PRRX2: variants seen among roughly 807,000 people sequenced by gnomAD.
The protein encoded by PRRX2 is paired related homeobox 2, also known as paired mesoderm homeobox protein 2.
Under a neutral mutation model 18.0 loss-of-function variants are expected in PRRX2, and 11 were observed. That is an observed-to-expected ratio of 0.61 (90% confidence interval 0.39 to 1.01). The LOEUF is 1.01. Among genes scored for constraint, PRRX2 ranks in the 50% least tolerant of loss-of-function variants. The pLI, the probability that PRRX2 is intolerant of heterozygous loss-of-function variation, is 0.01. For synonymous variants in PRRX2, 177 were observed against 154.8 expected (o/e 1.14, Z -1.06); for missense variants, 387 against 351.0 (o/e 1.10, Z -0.82).
At chr9:129,704,543 C>T (rs934197102) in intron 1 of PRRX2, among the ~76,000 whole-genome samples, 3 of 152,136 alleles carry the variant, frequency 2.0e-5, no homozygotes, top group African/African-American at 4.8e-5. Context: ...CCAGGAAACC[C>T]GGGAACAGAG....
chr9:129,719,391 C>T lies in PRRX2; in HGVS notation c.420C>T (p.Arg140=), dbSNP rs537836904. Reference sequence around the variant, plus strand: ...TTGTGCGCGAGGAGCTTGCCCGGCGCGTCAACCTCAGCGAGGCGCGCGTTC... The same window carrying T: ...TTGTGCGCGAGGAGCTTGCCCGGCGTGTCAACCTCAGCGAGGCGCGCGTTC... ...DAFVREELAR[R]VNLSEARVQV... Residue 140 remains arginine (R), a synonymous_variant, in exon 2 of 4, where the codon CGC becomes CGT. Coordinates refer to ENST00000372469, the MANE Select transcript of PRRX2 (RefSeq NM_016307.4). 1.9e-6 allele frequency: 3 copies of T among 1,549,238 alleles called. No homozygotes were observed. The highest frequency in any genetic ancestry group is 2.6e-6 in the Non-Finnish European group (3 of 1,147,742).
intron 1 of PRRX2, among the ~76,000 whole-genome samples, chr9:129,666,612 C>T (rs887438760): frequency 2.1e-4 from 30 of 145,526 alleles, no homozygotes; most frequent in African/African-American, 7.4e-4. Context: ...GCAGCTGCCT[C>T]GGTGGAACGG....
chr9:129,714,781 T>C (rs1832681376), intron 1 of PRRX2, among the ~76,000 whole-genome samples: 1 of 152,192 alleles, frequency 6.6e-6, no homozygotes, highest in Non-Finnish European at 1.5e-5. Context: ...CAGGTTTGAA[T>C]TGCTCAGAAA....
Position 129,719,335 on chromosome 9 carries a change from G to T in PRRX2, c.364G>T (p.Val122Leu), listed in dbSNP as rs1275390543. 1.2e-6 allele frequency: 2 copies of T among 1,600,290 alleles called. No homozygotes were observed. The highest frequency in any genetic ancestry group is 3.4e-5 in the Admixed American group (2 of 58,076). ...NSSQLQALERVFERTHYPDAF... is the reference protein window; with the variant it reads ...NSSQLQALERLFERTHYPDAF... Reference sequence around the variant, plus strand: ...CAGCCAACTGCAGGCGCTGGAGCGCGTGTTCGAGCGCACGCACTACCCCGA... The same window carrying T: ...CAGCCAACTGCAGGCGCTGGAGCGCTTGTTCGAGCGCACGCACTACCCCGA... Residue 122 changes from valine to leucine, a missense_variant, in exon 2 of 4, where the codon GTG becomes TTG. Coordinates refer to ENST00000372469, the MANE Select transcript of PRRX2 (RefSeq NM_016307.4).
chr9:129,691,097 G>A (rs1454117241), intron 1 of PRRX2, among the ~76,000 whole-genome samples: 2 of 151,548 alleles, frequency 1.3e-5, no homozygotes, highest in African/African-American at 2.4e-5. Context: ...GGCTGAGGCG[G>A]GTGGATCACT....
At chr9:129,674,031 C>T (rs892232616) in intron 1 of PRRX2, among the ~76,000 whole-genome samples, 18 of 152,088 alleles carry the variant, frequency 1.2e-4, no homozygotes, top group African/African-American at 4.3e-4. Context: ...CACGGCTGCC[C>T]CTCCCAAGGA....
chr9:129,680,270 G>A lies in PRRX2; in HGVS notation c.259+14144G>A, dbSNP rs181218792. Reference sequence around the variant, plus strand: ...TACGAAGTTAGCTGGGCGTGGTGGCGTGCACCTGTAATCCCAACTACTCCG... The same window carrying A: ...TACGAAGTTAGCTGGGCGTGGTGGCATGCACCTGTAATCCCAACTACTCCG... On this transcript the variant is annotated intron_variant, in intron 1 of 3. Coordinates refer to ENST00000372469, the MANE Select transcript of PRRX2 (RefSeq NM_016307.4). Among the ~76,000 whole-genome samples the A allele has an allele frequency of 5.9e-3, 899 of 151,820 alleles. 2 individuals carry two copies. The highest frequency in any genetic ancestry group is 8.1e-3 in the Non-Finnish European group (550 of 67,920).
chr9:129,719,465 C>G (rs778153631), intron 2 of PRRX2, 47 bp downstream of exon 2: 2 of 1,441,050 alleles, frequency 1.4e-6, no homozygotes, highest in African/African-American at 1.4e-5. Context: ...CGCGTGGGAG[C>G]GCACAGCCAC....
chr9:129,707,484 A>G (rs1247762631), intron 1 of PRRX2, among the ~76,000 whole-genome samples: 1 of 152,042 alleles, frequency 6.6e-6, no homozygotes. Context: ...CTTTTTGGCT[A>G]TTATAAATAA....
At chr9:129,688,404 A>G (rs1418221678) in intron 1 of PRRX2, among the ~76,000 whole-genome samples, 3 of 151,996 alleles carry the variant, frequency 2.0e-5, no homozygotes, top group Non-Finnish European at 4.4e-5. Context: ...CCCATGATAT[A>G]ATGGGGGTCA....
At chr9:129,712,096 C>T (rs968348721) in intron 1 of PRRX2, among the ~76,000 whole-genome samples, 1 of 152,172 alleles carries the variant, frequency 6.6e-6, no homozygotes. Context: ...TCTCCAGCTC[C>T]GAGGCTCCTC....
At chr9:129,684,404 CAGAG>C (rs1024889930) in intron 1 of PRRX2, among the ~76,000 whole-genome samples, 18 of 145,754 alleles carry the variant, frequency 1.2e-4, no homozygotes, top group Middle Eastern at 3.5e-3. Flanking sequence ...GACACACACA[CAGAG>C]AGAGACACAC....
chr9:129,694,819 G>A (rs1832400284), intron 1 of PRRX2, among the ~76,000 whole-genome samples: 1 of 152,132 alleles, frequency 6.6e-6, no homozygotes, highest in South Asian at 2.1e-4. Context: ...GGGCAGCGGA[G>A]GGAGCCCCAT....
chr9:129,685,108 G>T (rs151307923), intron 1 of PRRX2, among the ~76,000 whole-genome samples: 2 of 152,192 alleles, frequency 1.3e-5, no homozygotes, highest in African/African-American at 4.8e-5. Flanking sequence ...AGTGGGCCCC[G>T]TGGGCTGAGT....
intron 3 of PRRX2, 70 bp downstream of exon 3, chr9:129,720,844 G>A (rs1832781385): frequency 3.5e-6 from 5 of 1,421,800 alleles, no homozygotes; most frequent in Non-Finnish European, 4.6e-6. Flanking sequence ...TTCCGGCCTG[G>A]ACTCCTCTGA....
chr9:129,673,867 A>G (rs1022944335), intron 1 of PRRX2, among the ~76,000 whole-genome samples: 1 of 152,134 alleles, frequency 6.6e-6, no homozygotes, highest in East Asian at 1.9e-4. Context: ...CTTCCTGTTT[A>G]GACAGAGGGA....
chr9:129,719,745 G>C (rs918456785), intron 2 of PRRX2, among the ~76,000 whole-genome samples: 2 of 152,208 alleles, frequency 1.3e-5, no homozygotes, highest in Non-Finnish European at 2.9e-5. Context: ...CCAGCACTTT[G>C]AGAGGCCGAG....
rs1400293763 is a variant in PRRX2 at position 129,675,815 on chromosome 9, C to T, written c.259+9689C>T. Reference sequence around the variant, plus strand: ...AGGCGGGCGCGCCTGGCAGGGGCCTCGCAGCCTCTCTCGCCGCCAGAGCTC... The same window carrying T: ...AGGCGGGCGCGCCTGGCAGGGGCCTTGCAGCCTCTCTCGCCGCCAGAGCTC... On this transcript the variant is annotated intron_variant, in intron 1 of 3. Coordinates refer to ENST00000372469, the MANE Select transcript of PRRX2 (RefSeq NM_016307.4). This position sits in a 1 kb window ranked among gnomAD's most constrained non-coding sequence, Gnocchi z 4.4. Among the ~76,000 whole-genome samples, 1 of 152,218 alleles carries T rather than the reference C, an allele frequency of 6.6e-6. No individual in the cohort carries two copies. The highest frequency in any genetic ancestry group is 2.4e-5 in the African/African-American group (1 of 41,456).
intron 1 of PRRX2, among the ~76,000 whole-genome samples, chr9:129,666,571 A>ACCCCCCCCCC (rs532808399): frequency 1.2e-4 from 11 of 95,428 alleles, no homozygotes; most frequent in African/African-American, 1.5e-4. Context: ...GTGCCTGCCC[A>ACCCCCCCCCC]CCCCCCCCCA....
Sources: allele counts gnomAD v4.1 joint callset (sites outside exome capture counted in the v4.1 genomes callset), GRCh38; gene constraint gnomAD v4.1.1; non-coding constraint Gnocchi (gnomAD v3.1); transcripts MANE v1.5; gene names NCBI Gene and HGNC (gene_info 2026-07-23, HGNC 2026-07-21).